Variants in SEMA3E observed in about 807,000 individuals in gnomAD.
SEMA3E encodes the protein semaphorin-3E.
In SEMA3E, 49 loss-of-function variants were observed where a neutral mutation model predicts 93.6. The ratio of observed to expected loss-of-function variants is 0.52; its 90% CI spans 0.42 to 0.66. The LOEUF is 0.66. SEMA3E is among the 30% of genes least tolerant of loss of function. The pLI is 0.00. For missense variants in SEMA3E, 906 were observed against 964.8 expected (o/e 0.94, Z 0.81); for synonymous variants, 363 against 330.7 (o/e 1.10, Z -1.06).
chr7:83,500,571 CATCT>C (rs1453065751), intron 1 of SEMA3E, among the ~76,000 whole-genome samples: 2 of 146,060 alleles, frequency 1.4e-5, no homozygotes, highest in Non-Finnish European at 3.0e-5. Context: ...ATCATCTATA[CATCT>C]ATCTAACTTT....
Position 83,602,626 on chromosome 7 carries a change from C to T in SEMA3E, c.115+45802G>A, listed in dbSNP as rs540583638. Among the ~76,000 whole-genome samples, 7 of 152,150 alleles carry T rather than the reference C, an allele frequency of 4.6e-5. No homozygotes were observed. In the South Asian group the frequency reaches 1.2e-3, roughly 27 times the overall value. On this transcript the variant is annotated intron_variant, in intron 1 of 16. Transcript: ENST00000643230. ...CCAAGTAGCTGGGACTACAGGCATG[C>T]GCCATCACACCCAGCTAATTATCGT...
chr7:83,463,399 A>T (rs567320333), intron 4 of SEMA3E, among the ~76,000 whole-genome samples: 2 of 151,834 alleles, frequency 1.3e-5, no homozygotes, highest in Non-Finnish European at 2.9e-5. Flanking sequence ...AACTTCCAAA[A>T]TCTATTTTCT....
At chr7:83,441,175 T>C (rs1789105635) in intron 4 of SEMA3E, among the ~76,000 whole-genome samples, 1 of 152,186 alleles carries the variant, frequency 6.6e-6, no homozygotes, top group Non-Finnish European at 1.5e-5. Context: ...AAACAGTTTA[T>C]GGATACAGCC....
intron 4 of SEMA3E, among the ~76,000 whole-genome samples, chr7:83,447,419 T>A (rs535446368): frequency 6.6e-6 from 1 of 152,158 alleles, no homozygotes; most frequent in South Asian, 2.1e-4. Flanking sequence ...GCGCCTGTAG[T>A]CCCAGCTACT....
intron 1 of SEMA3E, among the ~76,000 whole-genome samples, chr7:83,639,102 C>A (rs1363352363): frequency 2.1e-5 from 1 of 48,330 alleles, no homozygotes; most frequent in Non-Finnish European, 4.3e-5. Context: ...CAGAGCGAGA[C>A]TCCGTCTCAA....
intron 1 of SEMA3E, among the ~76,000 whole-genome samples, chr7:83,641,691 A>C (rs544611069): frequency 6.6e-6 from 1 of 152,294 alleles, no homozygotes; most frequent in South Asian, 2.1e-4. Flanking sequence ...CATTAAAGAA[A>C]ATCTTTGCTT....
At chr7:83,622,295 C>T (rs377060236) in intron 1 of SEMA3E, among the ~76,000 whole-genome samples, 25 of 151,960 alleles carry the variant, frequency 1.6e-4, no homozygotes, top group Middle Eastern at 3.4e-3. Flanking sequence ...ATCTCCTGCC[C>T]GTCAGAATGG....
chr7:83,375,241 A>G (rs569184761), intron 16 of SEMA3E, among the ~76,000 whole-genome samples: 8 of 152,168 alleles, frequency 5.3e-5, no homozygotes, highest in African/African-American at 1.9e-4. Context: ...AGAAGAAAGT[A>G]TGATAAATCC....
chr7:83,609,319 G>A (rs547338753), intron 1 of SEMA3E, among the ~76,000 whole-genome samples: 1 of 151,944 alleles, frequency 6.6e-6, no homozygotes, highest in East Asian at 1.9e-4. Context: ...ATACGGATCA[G>A]GCACACTGTC....
At chr7:83,410,959 C>T (rs1788428523) in intron 5 of SEMA3E, among the ~76,000 whole-genome samples, 1 of 151,966 alleles carries the variant, frequency 6.6e-6, no homozygotes, top group African/African-American at 2.4e-5. Context: ...GATTAGATTT[C>T]TTTAAAATCA....
chr7:83,562,980 G>A (rs1048968958), intron 1 of SEMA3E, among the ~76,000 whole-genome samples: 2 of 152,062 alleles, frequency 1.3e-5, no homozygotes, highest in Non-Finnish European at 2.9e-5. Context: ...TTCTACTACC[G>A]ACTCCCTTGT....
At chr7:83,465,042 G>A (rs1410110940) in intron 4 of SEMA3E, among the ~76,000 whole-genome samples, 5 of 151,570 alleles carry the variant, frequency 3.3e-5, no homozygotes, top group Admixed American at 3.3e-4. Context: ...AATATGCCCT[G>A]CCCCACCTTA....
At chr7:83,631,921 C>G (rs977391555) in intron 1 of SEMA3E, among the ~76,000 whole-genome samples, 6 of 151,994 alleles carry the variant, frequency 3.9e-5, no homozygotes, top group African/African-American at 1.5e-4. Context: ...TTTGGGAGGC[C>G]GAGGCAGGCA....
At chr7:83,604,031 A>C (rs1301504697) in intron 1 of SEMA3E, among the ~76,000 whole-genome samples, 3 of 152,200 alleles carry the variant, frequency 2.0e-5, no homozygotes, top group Non-Finnish European at 2.9e-5. Flanking sequence ...GAGAATGAAG[A>C]GATTCATATC....
At chr7:83,647,413 A>T (rs1156514102) in intron 1 of SEMA3E, among the ~76,000 whole-genome samples, 2 of 152,146 alleles carry the variant, frequency 1.3e-5, no homozygotes, top group East Asian at 3.8e-4. Flanking sequence ...ACAATTGAAA[A>T]ATGATTCTTA....
chr7:83,456,255 A>G (rs1435225432), intron 4 of SEMA3E, among the ~76,000 whole-genome samples: 1 of 152,226 alleles, frequency 6.6e-6, no homozygotes, highest in Non-Finnish European at 1.5e-5. Flanking sequence ...TTGTCTGAGC[A>G]TCTACATTCA....
chr7:83,635,881 C>CAAAAAA (rs5885371), intron 1 of SEMA3E, among the ~76,000 whole-genome samples: 2 of 139,606 alleles, frequency 1.4e-5, no homozygotes, highest in Admixed American at 1.4e-4. Flanking sequence ...GACAGACTGA[C>CAAAAAA]AAAAAAAAAA....
chr7:83,425,619 G>T (rs927872028), intron 4 of SEMA3E, among the ~76,000 whole-genome samples: 4 of 152,122 alleles, frequency 2.6e-5, no homozygotes, highest in Non-Finnish European at 5.9e-5. Flanking sequence ...GATTTTATAT[G>T]TACTTAGGTA....
At chr7:83,391,600 A>AT (rs5885348) in intron 14 of SEMA3E, among the ~76,000 whole-genome samples, 86,649 of 151,712 alleles carry the variant, frequency 0.57, 28,408 homozygotes, top group East Asian at 0.85. Context: ...TTATTATATC[A>AT]TTTTTTTAAA....
Sources: allele counts gnomAD v4.1 joint callset (sites outside exome capture counted in the v4.1 genomes callset), GRCh38; gene constraint gnomAD v4.1.1; transcripts MANE v1.5; gene names NCBI Gene and HGNC (gene_info 2026-07-23, HGNC 2026-07-21).